Variants in PIN4 observed in about 807,000 individuals in gnomAD.
PIN4 encodes peptidylprolyl cis/trans isomerase, NIMA-interacting 4.
In PIN4, 3 loss-of-function variants were observed where a neutral mutation model predicts 8.3. That is an observed-to-expected ratio of 0.36 (90% confidence interval 0.16 to 0.93). The LOEUF (loss-of-function observed/expected upper bound fraction) is 0.93. Ranked by LOEUF, PIN4 falls within the 40% of genes least tolerant of loss-of-function variation. The probability of loss-of-function intolerance (pLI) is 0.44; values close to 1 mark genes in which losing one functional copy is unlikely to be tolerated. For synonymous variants in PIN4, 18 were observed against 32.5 expected (o/e 0.55, Z 1.52); for missense variants, 75 against 100.6 (o/e 0.75, Z 1.09).
intron 3 of PIN4, among the ~76,000 whole-genome samples, chrX:72,229,690 T>A (rs1039448356): frequency 9.0e-6 from 1 of 111,592 alleles, no homozygotes; most frequent in African/African-American, 3.3e-5. Context: ...ATTGGACTTG[T>A]TCCTCCTGAT....
At chrX:72,233,822 G>GA (rs1556404349) in intron 3 of PIN4, among the ~76,000 whole-genome samples, 10 of 103,853 alleles carry the variant, frequency 9.6e-5, no homozygotes, top group African/African-American at 3.5e-4. Flanking sequence ...TAAGAATATG[G>GA]TTTTTTTTTT....
chrX:72,206,079 C>A lies in PIN4; in HGVS notation c.312+9175C>A, dbSNP rs372744705. On this transcript the variant is annotated intron_variant, in intron 3 of 3. Coordinates refer to the PIN4 transcript ENST00000423432. ...TTTCATTTGTTATGGAAATAATGGG[C>A]CAAGGATTGCAATGACGTAAAATCT... The A allele has an allele frequency of 8.3e-6, 10 of 1,208,754 alleles. No individual in the cohort carries two copies. The African/African-American group carries it at 1.7e-4, about 21-fold the overall frequency.
intron 2 of PIN4, among the ~76,000 whole-genome samples, chrX:72,190,680 C>G (rs762037525): frequency 9.0e-6 from 1 of 110,964 alleles, no homozygotes; most frequent in African/African-American, 3.3e-5. Context: ...AGCCGGGCGC[C>G]GGTGGCTCAT....
Position 72,185,147 on chromosome X carries a change from C to CAAAAAAAAAAAAAAA in PIN4, c.44-1309_44-1295dup, listed in dbSNP as rs746215043. Among the ~76,000 whole-genome samples the CAAAAAAAAAAAAAAA allele has an allele frequency of 2.5e-4, 6 of 24,449 alleles. 1 individual carries two copies. The highest frequency in any genetic ancestry group is 3.9e-4 in the Non-Finnish European group (5 of 12,772). The allele number at this position is 24,449 out of a possible 115,157, so 21.2% of individuals were successfully genotyped here. A position where few individuals can be genotyped will look rare whatever the true frequency, so the allele number is the denominator to read the frequency against. ...CGACAGACAGAGCGAGACTCCGTCTCAAAAAAAAAAAAAAAAAAACAACTT... is the reference window on the plus strand; with the variant it reads ...CGACAGACAGAGCGAGACTCCGTCTCAAAAAAAAAAAAAAAAAAAAAAAAAAAAAAAAAACAACTT... On this transcript the variant is annotated intron_variant, in intron 1 of 3. Coordinates refer to ENST00000373669, the MANE Select transcript of PIN4 (RefSeq NM_006223.4).
At chrX:72,201,953 A>C (rs1329333833), downstream of PIN4, among the ~76,000 whole-genome samples, 3 of 112,760 alleles carry the variant, frequency 2.7e-5, no homozygotes, top group African/African-American at 6.4e-5. Flanking sequence ...AATTTTTGGG[A>C]GTTTAAATAT....
intron 3 of PIN4, among the ~76,000 whole-genome samples, chrX:72,218,876 CAAT>C (rs2042902942): frequency 8.9e-6 from 1 of 112,682 alleles, no homozygotes; most frequent in African/African-American, 3.2e-5. Flanking sequence ...TTTCTTTCAA[CAAT>C]GTTTTATAGT....
At chrX:72,250,822 C>T (rs1393717571) in intron 3 of PIN4, among the ~76,000 whole-genome samples, 1 of 103,486 alleles carries the variant, frequency 9.7e-6, no homozygotes, top group Non-Finnish European at 2.0e-5. Flanking sequence ...TCACTGCAAC[C>T]TCCACCTCCA....
At chrX:72,206,400 G>A (rs750234088) in intron 3 of PIN4, 5 of 1,207,816 alleles carry the variant, frequency 4.1e-6, no homozygotes, top group Admixed American at 2.2e-5. Context: ...TTATACTGGA[G>A]AGATCTTGTT....
At chrX:72,214,372 AAAAC>A (rs1308719203) in intron 3 of PIN4, among the ~76,000 whole-genome samples, 1 of 112,490 alleles carries the variant, frequency 8.9e-6, no homozygotes, top group Non-Finnish European at 1.9e-5. Context: ...AAGAGTCAAA[AAAAC>A]AAACAATGTT....
rs894384309 is a variant in PIN4, at chrX:72,198,002, T to G, written c.*476T>G. ...ATCTTCCAGGACAGGTGGTATTAGC[T>G]CCACTGTCTTAACATAGTACGTGGC... On this transcript the variant is annotated 3_prime_UTR_variant, in exon 4 of 4. Coordinates refer to ENST00000373669, the MANE Select transcript of PIN4 (RefSeq NM_006223.4). 26 of 749,082 alleles carry G rather than the reference T, an allele frequency of 3.5e-5. No individual in the cohort carries two copies. The highest frequency in any genetic ancestry group is 3.9e-5 in the Non-Finnish European group (25 of 633,872). The allele number at this position is 749,082 out of a possible 1,213,427, so 61.7% of individuals were successfully genotyped here.
chrX:72,182,642 G>A (rs138942139), intron 1 of PIN4, among the ~76,000 whole-genome samples: 8 of 111,795 alleles, frequency 7.2e-5, no homozygotes, highest in African/African-American at 2.3e-4. Context: ...GTAGTGTTGA[G>A]GGATGTGTAT....
chrX:72,186,607 A>G, intron 2 of PIN4, 73 bp downstream of exon 2: 11 of 670,130 alleles, frequency 1.6e-5, no homozygotes, highest in Non-Finnish European at 2.6e-5. Flanking sequence ...TAAAAGACAG[A>G]ATGCTTAACT....
At chrX:72,258,131 C>G (rs904935187) in intron 3 of PIN4, among the ~76,000 whole-genome samples, 1 of 111,103 alleles carries the variant, frequency 9.0e-6, no homozygotes, top group Non-Finnish European at 1.9e-5. Context: ...GGTGTGGAGA[C>G]TGTGGACTGT....
At chrX:72,203,549 A>G (rs148322181) in intron 3 of PIN4, among the ~76,000 whole-genome samples, 6,005 of 111,524 alleles carry the variant, frequency 0.054, 323 homozygotes, top group African/African-American at 0.17. Context: ...CACCAGTTCA[A>G]TTTTGAATTG....
chrX:72,214,715 G>A (rs192198998), intron 3 of PIN4, among the ~76,000 whole-genome samples: 16 of 106,247 alleles, frequency 1.5e-4, no homozygotes, highest in Admixed American at 1.3e-3. Flanking sequence ...GGCCAGGCAC[G>A]GTGGCTCACA....
At chrX:72,219,380 C>A (rs1241858658) in intron 3 of PIN4, among the ~76,000 whole-genome samples, 4 of 108,512 alleles carry the variant, frequency 3.7e-5, no homozygotes, top group African/African-American at 1.4e-4. Context: ...ATGGTGAAAC[C>A]CCATCTCTAC....
At chrX:72,184,670 C>A (rs1348854731) in intron 1 of PIN4, among the ~76,000 whole-genome samples, 2 of 109,806 alleles carry the variant, frequency 1.8e-5, no homozygotes, top group African/African-American at 6.6e-5. Context: ...TATAGCAAAC[C>A]CAGTTAGGAG....
intron 3 of PIN4, among the ~76,000 whole-genome samples, chrX:72,210,634 T>C (rs2042848848): frequency 9.0e-6 from 1 of 111,327 alleles, no homozygotes; most frequent in Non-Finnish European, 1.9e-5. Flanking sequence ...GATCCTTAGC[T>C]CTGGGCCAGA....
At chrX:72,211,664 G>C (rs1017035495) in intron 3 of PIN4, among the ~76,000 whole-genome samples, 1 of 110,836 alleles carries the variant, frequency 9.0e-6, no homozygotes, top group African/African-American at 3.3e-5. Flanking sequence ...CCTGTAGTCA[G>C]TCCCAGCTAT....
Sources: gnomAD v4.1 joint callset for allele counts (sites outside exome capture counted in the v4.1 genomes callset) on GRCh38, gnomAD v4.1.1 for gene constraint, MANE v1.5 for transcripts, NCBI Gene and HGNC (gene_info 2026-07-23, HGNC 2026-07-21) for gene names.